Variants in ARFGEF1 observed in about 807,000 individuals in gnomAD.
ARFGEF1 encodes the protein ARF guanine nucleotide exchange factor 1, also known as brefeldin A-inhibited guanine nucleotide-exchange protein 1.
A neutral mutation model predicts 231.0 loss-of-function variants in ARFGEF1; 42 were observed. The ratio of observed to expected loss-of-function variants is 0.18; its 90% CI spans 0.14 to 0.24. ARFGEF1 has a LOEUF of 0.24. Among genes scored for constraint, ARFGEF1 ranks in the 10% least tolerant of loss-of-function variants. The probability of loss-of-function intolerance (pLI) is 1.00; values close to 1 mark genes in which losing one functional copy is unlikely to be tolerated. For synonymous variants in ARFGEF1, 710 were observed against 732.3 expected (o/e 0.97, Z 0.49); for missense variants, 1,345 against 2,192.0 (o/e 0.61, Z 7.72).
In ARFGEF1 at chr8:67,277,389, C is replaced by T; in HGVS notation, c.1096G>A (p.Asp366Asn). 1 of 1,613,812 alleles carries T rather than the reference C, an allele frequency of 6.2e-7. No homozygotes were observed. Among genetic ancestry groups the T allele is most frequent in the Non-Finnish European group, 8.5e-7 (1 of 1,179,858 alleles). The part of the protein sequence containing the change: ...GNIGTIEDGS[D>N]SENIQANGIP... ...CCATTTGCTTGAATATTTTCACTGT[C>T]ACTACCATCCTCTATAGTTCCAATG... The change falls in exon 8 of 39, where the codon GAC becomes AAC. Residue 366 changes from aspartate to asparagine, a missense_variant. This residue lies in a region of ARFGEF1 where 398 missense variants were observed against 463.2 expected (regional missense o/e 0.86). Coordinates refer to ENST00000262215, the MANE Select transcript of ARFGEF1 (RefSeq NM_006421.5).
At chr8:67,331,605 G>C (rs1313889897) in intron 1 of ARFGEF1, among the ~76,000 whole-genome samples, 1 of 151,958 alleles carries the variant, frequency 6.6e-6, no homozygotes, top group Non-Finnish European at 1.5e-5. Flanking sequence ...AGCTTAAACA[G>C]ACTAAGATAT....
At chr8:67,263,126 T>G (rs1804704882) in intron 14 of ARFGEF1, among the ~76,000 whole-genome samples, 1 of 152,186 alleles carries the variant, frequency 6.6e-6, no homozygotes, top group Admixed American at 6.5e-5. Context: ...TCATATCCCA[T>G]TCCCTAAATC....
intron 28 of ARFGEF1, 115 bp from the exon 29 acceptor site, chr8:67,225,148 T>TA: frequency 1.0e-6 from 1 of 988,610 alleles, no homozygotes; most frequent in South Asian, 3.3e-5. Flanking sequence ...AGCAATTTAA[T>TA]AAAAAATAAT....
intron 36 of ARFGEF1, chr8:67,201,900 G>C (rs567067942): frequency 1.5e-4 from 52 of 337,068 alleles, no homozygotes; most frequent in Non-Finnish European, 2.5e-4. Flanking sequence ...GCCTGCGCCA[G>C]GGGCCTCAGA....
At chr8:67,234,786 T>C (rs1839663418) in intron 22 of ARFGEF1, among the ~76,000 whole-genome samples, 1 of 151,874 alleles carries the variant, frequency 6.6e-6, no homozygotes, top group African/African-American at 2.4e-5. Flanking sequence ...CATACTGAAA[T>C]AGGAAAAAAT....
At chr8:67,339,790 T>TGGGGTGGGGGG (rs1479485264) in intron 1 of ARFGEF1, among the ~76,000 whole-genome samples, 1 of 422 alleles carries the variant, frequency 2.4e-3, no homozygotes, top group African/African-American at 4.9e-3. Flanking sequence ...TGTAACAGTG[T>TGGGGTGGGGGG]GGGGCGGGGG....
chr8:67,310,784 C>A (rs1453400464), intron 1 of ARFGEF1, among the ~76,000 whole-genome samples: 3 of 151,668 alleles, frequency 2.0e-5, no homozygotes, highest in Non-Finnish European at 2.9e-5. Flanking sequence ...CTCTGCCCGG[C>A]TGCCCCATCT....
At chr8:67,218,245 TATTAAAA>T (rs1433473984) in intron 30 of ARFGEF1, 107 bp from the exon 31 acceptor site, 1 of 233,308 alleles carries the variant, frequency 4.3e-6, no homozygotes, top group East Asian at 1.2e-4. Flanking sequence ...AATGTTTTCA[TATTAAAA>T]ATGGAAGGCT....
rs1016466557 is a variant in ARFGEF1, at chr8:67,343,646, G to T, written c.-359C>A. On this transcript the variant is annotated 5_prime_UTR_variant, in exon 1 of 39. Transcript: ENST00000262215. ...GGCGGCTGTCTGCCGGGAACTGAGG[G>T]ACGAGGTGGCGGCGGCTCTCAGAGG... 9.8e-7 allele frequency: 1 copy of T among 1,016,270 alleles called. No homozygotes were observed. Among genetic ancestry groups the T allele is most frequent in the Non-Finnish European group, 1.2e-6 (1 of 848,344 alleles). The allele number at this position is 1,016,270 out of a possible 1,614,324, so 63.0% of individuals were successfully genotyped here.
intron 1 of ARFGEF1, among the ~76,000 whole-genome samples, chr8:67,315,959 A>C (rs892132391): frequency 6.6e-6 from 1 of 152,174 alleles, no homozygotes; most frequent in Non-Finnish European, 1.5e-5. Context: ...CAGAAAAAAA[A>C]GGAAAAATAA....
chr8:67,268,030 CTAA>C (rs1276082473), intron 10 of ARFGEF1, among the ~76,000 whole-genome samples: 3 of 152,116 alleles, frequency 2.0e-5, no homozygotes, highest in African/African-American at 7.2e-5. Context: ...GTTAATCAAC[CTAA>C]TGAGATAAAT....
intron 17 of ARFGEF1, among the ~76,000 whole-genome samples, chr8:67,256,224 A>T (rs1840448950): frequency 6.6e-6 from 1 of 152,222 alleles, no homozygotes; most frequent in Admixed American, 6.5e-5. Context: ...AAAGCCCTGA[A>T]GGTGAGCTGC....
At chr8:67,238,615 C>T (rs766096463) in intron 21 of ARFGEF1, 120 bp downstream of exon 21, 28 of 1,418,824 alleles carry the variant, frequency 2.0e-5, no homozygotes, top group South Asian at 9.5e-5. Flanking sequence ...AAAAGCTAAA[C>T]GTACTTATTC....
intron 4 of ARFGEF1, among the ~76,000 whole-genome samples, chr8:67,298,646 G>A (rs1806345498): frequency 1.3e-5 from 2 of 152,150 alleles, no homozygotes; most frequent in Non-Finnish European, 2.9e-5. Context: ...AGACTCTAGG[G>A]ACTAAGTCTA....
At chr8:67,269,176 A>G (rs1258526073) in intron 10 of ARFGEF1, among the ~76,000 whole-genome samples, 1 of 152,142 alleles carries the variant, frequency 6.6e-6, no homozygotes, top group Admixed American at 6.6e-5. Flanking sequence ...TCTCCTGAAA[A>G]GTTGTACATA....
At chr8:67,173,917 A>T (rs1831002789), downstream of ARFGEF1, 1 of 152,202 alleles carries the variant, frequency 6.6e-6, no homozygotes, top group East Asian at 1.9e-4. Context: ...TTGGCCAGAG[A>T]CTACATGACA....
intron 23 of ARFGEF1, among the ~76,000 whole-genome samples, chr8:67,232,050 G>T (rs1470140780): frequency 6.6e-6 from 1 of 151,930 alleles, no homozygotes. Context: ...AGGGTCAGTG[G>T]CCACTGAACA....
intron 1 of ARFGEF1, among the ~76,000 whole-genome samples, chr8:67,323,871 G>A (rs1179102829): frequency 3.3e-5 from 5 of 151,378 alleles, no homozygotes; most frequent in African/African-American, 9.7e-5. Context: ...TGCCATCACC[G>A]CTTACTGCAA....
intron 19 of ARFGEF1, among the ~76,000 whole-genome samples, chr8:67,244,771 T>C (rs1840055028): frequency 6.7e-6 from 1 of 150,312 alleles, no homozygotes; most frequent in South Asian, 2.1e-4. Context: ...TTATTGGTCT[T>C]CAAAGAGGCA....
Sources: gnomAD v4.1 joint callset for allele counts (sites outside exome capture counted in the v4.1 genomes callset) on GRCh38, gnomAD v4.1.1 for gene constraint, gnomAD v4.1.1 regional missense constraint, MANE v1.5 for transcripts, NCBI Gene and HGNC (gene_info 2026-07-23, HGNC 2026-07-21) for gene names.